NR3C2: variants seen among roughly 807,000 people sequenced by gnomAD.
NR3C2 encodes the protein mineralocorticoid receptor.
A neutral mutation model predicts 86.4 loss-of-function variants in NR3C2; 15 were observed. That is an observed-to-expected ratio of 0.17 (90% CI 0.12 to 0.27). The LOEUF is 0.27. NR3C2 is among the 10% of genes least tolerant of loss of function. The pLI is 1.00. For missense variants in NR3C2, 960 were observed against 1,195.6 expected (o/e 0.80, Z 2.91); for synonymous variants, 458 against 450.5 (o/e 1.02, Z -0.21).
intron 2 of NR3C2, among the ~76,000 whole-genome samples, chr4:148,326,643 GT>G (rs898617259): frequency 1.3e-3 from 190 of 149,008 alleles, no homozygotes; most frequent in African/African-American, 4.0e-3. Flanking sequence ...AACTCTTCAA[GT>G]TTTTTTTTTC....
At position 148,411,296 on chromosome 4, in the gene NR3C2, C is replaced by T. The variant is rs76483128; in HGVS notation, c.1757+23808G>A. On this transcript the variant is annotated intron_variant, in intron 2 of 8. Transcript: ENST00000358102. ...GAAAAATTTCGAATACAGAAGAGGACAGGCAATAATATAGCATCTAACAAA... is the reference window on the plus strand; with the variant it reads ...GAAAAATTTCGAATACAGAAGAGGATAGGCAATAATATAGCATCTAACAAA... Among the ~76,000 whole-genome samples, 571 of 152,206 alleles carry T rather than the reference C, an allele frequency of 3.8e-3. 3 individuals carry two copies. Among genetic ancestry groups the T allele is most frequent in the African/African-American group, 0.013 (548 of 41,522 alleles).
rs1368493678 is a variant in NR3C2 at position 148,113,986 on chromosome 4, G to T, written c.2799+118C>A. On this transcript the variant is annotated intron_variant, in intron 8 of 8. Coordinates refer to ENST00000358102, the MANE Select transcript of NR3C2 (RefSeq NM_000901.5). ...CTTGGACATGGCGATATCCTTAATG[G>T]AGTCAACAGAGGTCTAGCATGACAC... 3 of 1,185,146 alleles carry T rather than the reference G, an allele frequency of 2.5e-6. No individual in the cohort carries two copies. The Admixed American group carries it at 5.9e-5, about 23-fold the overall frequency. 73.4% of individuals were successfully genotyped at this position (1,185,146 alleles called of 1,614,324 possible).
chr4:148,348,202 A>G (rs534987135), intron 2 of NR3C2, among the ~76,000 whole-genome samples: 1 of 152,212 alleles, frequency 6.6e-6, no homozygotes, highest in East Asian at 1.9e-4. Context: ...CTGTTTTGGT[A>G]AGTCTAAATC....
chr4:148,396,533 T>G (rs2126513538), intron 2 of NR3C2, among the ~76,000 whole-genome samples: 1 of 152,340 alleles, frequency 6.6e-6, no homozygotes, highest in Non-Finnish European at 1.5e-5. Flanking sequence ...TTTATTTTCC[T>G]TCTATAGTCA....
intron 6 of NR3C2, among the ~76,000 whole-genome samples, chr4:148,132,502 G>A (rs1733084807): frequency 6.6e-6 from 1 of 152,140 alleles, no homozygotes; most frequent in Non-Finnish European, 1.5e-5. Context: ...CCATGAATAC[G>A]CCTGGCACTT....
At chr4:148,217,773 G>A (rs1234974012) in intron 3 of NR3C2, among the ~76,000 whole-genome samples, 1 of 152,162 alleles carries the variant, frequency 6.6e-6, no homozygotes, top group Non-Finnish European at 1.5e-5. Context: ...TTGAGTATTT[G>A]CTGTAAATCA....
intron 3 of NR3C2, among the ~76,000 whole-genome samples, chr4:148,249,079 G>A (rs892502353): frequency 3.9e-5 from 6 of 152,032 alleles, no homozygotes; most frequent in African/African-American, 9.7e-5. Context: ...CAATGGTGCC[G>A]CCTTTATTAT....
rs562622037 is a variant in NR3C2, at chr4:148,306,459, C to T, written c.1758-46342G>A. 5.9e-5 allele frequency among the ~76,000 whole-genome samples: 9 copies of T among 152,262 alleles called. No individual in the cohort carries two copies. In the South Asian group the frequency reaches 1.0e-3, roughly 18 times the overall value. ...TCCAGTATATTCTTCCAACATATCC[C>T]GAAGTTTAAAATACTAAACTACCAC... On this transcript the variant is annotated intron_variant, in intron 2 of 8. Transcript: ENST00000358102.
chr4:148,439,337 T>C (rs1750222415), intron 1 of NR3C2, among the ~76,000 whole-genome samples: 2 of 152,144 alleles, frequency 1.3e-5, no homozygotes, highest in South Asian at 4.1e-4. Context: ...ACAATAAATA[T>C]GTCTATTTGT....
intron 4 of NR3C2, among the ~76,000 whole-genome samples, chr4:148,157,431 G>A (rs952917816): frequency 2.6e-5 from 4 of 151,952 alleles, no homozygotes; most frequent in Non-Finnish European, 4.4e-5. Context: ...GATTCTCATC[G>A]TAGAATAAGG....
At chr4:148,328,170 G>C (rs1744057859) in intron 2 of NR3C2, among the ~76,000 whole-genome samples, 1 of 152,174 alleles carries the variant, frequency 6.6e-6, no homozygotes, top group Non-Finnish European at 1.5e-5. Context: ...GCCGTGGGAG[G>C]AATGGATCCT....
chr4:148,331,140 A>T (rs1744214050), intron 2 of NR3C2, among the ~76,000 whole-genome samples: 1 of 152,204 alleles, frequency 6.6e-6, no homozygotes. Context: ...GGGTCAATAG[A>T]TCTAATCCCA....
intron 4 of NR3C2, among the ~76,000 whole-genome samples, chr4:148,183,867 A>G (rs909403547): frequency 7.9e-5 from 12 of 152,212 alleles, no homozygotes; most frequent in Admixed American, 7.9e-4. Flanking sequence ...AACAGAAAAT[A>G]ATACCTAATA....
chr4:148,410,469 C>G (rs1288655523), intron 2 of NR3C2, among the ~76,000 whole-genome samples: 1 of 152,142 alleles, frequency 6.6e-6, no homozygotes. Context: ...TTTAGATAAG[C>G]AATAACAGTA....
rs560301671 is a variant in NR3C2, at chr4:148,292,328, T to C, written c.1758-32211A>G. 3.3e-5 allele frequency among the ~76,000 whole-genome samples: 5 copies of C among 152,198 alleles called. No homozygotes were observed. In the South Asian group the frequency reaches 1.0e-3, roughly 32 times the overall value. Reference sequence around the variant, plus strand: ...AATATTCTGGTTCTAGATTTACCTCTTACGCTTTCTTAATTGAAATGCTAC... The same window carrying C: ...AATATTCTGGTTCTAGATTTACCTCCTACGCTTTCTTAATTGAAATGCTAC... On this transcript the variant is annotated intron_variant, in intron 2 of 8. Transcript: ENST00000358102.
rs983849623 is a variant in NR3C2 at position 148,080,049 on chromosome 4, ACT to A, written c.*1293_*1294del. On this transcript the variant is annotated 3_prime_UTR_variant, in exon 9 of 9. Coordinates refer to ENST00000358102, the MANE Select transcript of NR3C2 (RefSeq NM_000901.5). ...TCTGAGCCATCAAGTTCCCAGTCTC[ACT>A]CTCGTAGAGCTGGTTCTGCTTCTAG... is the stretch of plus-strand genomic sequence containing the variant. 3 of 152,100 alleles carry A rather than the reference ACT, an allele frequency of 2.0e-5. No individual in the cohort carries two copies. Among genetic ancestry groups the A allele is most frequent in the African/African-American group, 7.2e-5 (3 of 41,402 alleles). 9.4% of individuals were successfully genotyped at this position (152,100 alleles called of 1,614,324 possible).
At chr4:148,122,600 T>A (rs1732558365) in intron 6 of NR3C2, among the ~76,000 whole-genome samples, 1 of 152,216 alleles carries the variant, frequency 6.6e-6, no homozygotes, top group Admixed American at 6.5e-5. Flanking sequence ...TTCTCTTCCT[T>A]TCATTGGATT....
At chr4:148,154,364 C>A (rs116709324) in intron 5 of NR3C2, among the ~76,000 whole-genome samples, 187 bp downstream of exon 5, 2 of 152,210 alleles carry the variant, frequency 1.3e-5, no homozygotes, top group African/African-American at 4.8e-5. Flanking sequence ...ACCCTGCATT[C>A]TCGGAAGAAA....
At chr4:148,129,203 A>G (rs938295897) in intron 6 of NR3C2, among the ~76,000 whole-genome samples, 3 of 152,224 alleles carry the variant, frequency 2.0e-5, no homozygotes, top group African/African-American at 7.2e-5. Flanking sequence ...AAAAAAGGAA[A>G]TTCTGACATA....
Sources: gnomAD v4.1 joint callset for allele counts (sites outside exome capture counted in the v4.1 genomes callset) on GRCh38, gnomAD v4.1.1 for gene constraint, MANE v1.5 for transcripts, NCBI Gene and HGNC (gene_info 2026-07-23, HGNC 2026-07-21) for gene names.